The following AKR7A3 variants were observed in gnomAD, a reference collection of about 807,000 sequenced individuals.
AKR7A3 encodes the protein AFB1 aldehyde reductase 2.
In AKR7A3, 37 loss-of-function variants were observed where a neutral mutation model predicts 32.5. The observed-to-expected ratio is 1.14, with a 90% CI of 0.88 to 1.50. The LOEUF is 1.50. Among genes scored for constraint, AKR7A3 ranks in the 40% most tolerant of loss-of-function variants. The pLI is 0.00. For missense variants in AKR7A3, 412 were observed against 453.2 expected, an observed-to-expected ratio of 0.91 and a Z score of 0.83; for synonymous variants, 177 against 188.4, an observed-to-expected ratio of 0.94 and a Z score of 0.50.
chr1:19,288,636 G>A lies in AKR7A3; in HGVS notation c.74C>T (p.Ala25Val). 6.4e-7 allele frequency: 1 copy of A among 1,551,884 alleles called. No individual in the cohort carries two copies. The highest frequency in any genetic ancestry group is 8.7e-7 in the Non-Finnish European group (1 of 1,150,088). The stretch of plus-strand genomic sequence containing the variant: ...GCGCGTGACTGCGGCGCTGGTGGGC[G>A]CGTCCATGCGGCGCCCCATCTCCAT... ...GAMEMGRRMDAPTSAAVTRAF... is the reference protein window; with the variant it reads ...GAMEMGRRMDVPTSAAVTRAF... The change falls in exon 1 of 7, where the codon GCG (alanine) becomes GTG (valine). Residue 25 changes from alanine (A) to valine (V), a missense_variant. Transcript: ENST00000361640.
At chr1:19,278,125 G>A (rs2093713763), downstream of AKR7A3, among the ~76,000 whole-genome samples, 2 of 151,768 alleles carry the variant, frequency 1.3e-5, no homozygotes, top group Admixed American at 6.6e-5. Context: ...TGATTCATTT[G>A]AGTTAGTTTT....
At chr1:19,288,424 G>C in intron 1 of AKR7A3, 72 bp downstream of exon 1, 1 of 1,525,976 alleles carries the variant, frequency 6.6e-7, no homozygotes, top group Non-Finnish European at 8.8e-7. Context: ...GCCAGGGAGA[G>C]CGGGGCGGTA....
At chr1:19,275,943 A>G in the AKR7A3 span, among the ~76,000 whole-genome samples, 2 of 152,050 alleles carry the variant, frequency 1.3e-5, no homozygotes, top group Non-Finnish European at 2.9e-5. Context: ...ATACATGAAA[A>G]ACAATAATAG....
the AKR7A3 span, among the ~76,000 whole-genome samples, chr1:19,276,478 T>A: frequency 6.6e-6 from 1 of 150,980 alleles, no homozygotes; most frequent in African/African-American, 2.5e-5. Flanking sequence ...CAAGATATAC[T>A]ATATTTTGAG....
downstream of AKR7A3, among the ~76,000 whole-genome samples, chr1:19,280,486 T>C (rs2093717032): frequency 6.6e-6 from 1 of 151,934 alleles, no homozygotes; most frequent in Admixed American, 6.5e-5. Flanking sequence ...TATTTTCTTA[T>C]GTATGGTATG....
chr1:19,286,218 C>G lies in AKR7A3; in HGVS notation c.369G>C (p.Glu123Asp). The G allele has an allele frequency of 6.2e-7, 1 of 1,609,866 alleles. No individual in the cohort carries two copies. The highest frequency in any genetic ancestry group is 1.1e-5 in the South Asian group (1 of 90,906). ...HMPDHSTPVE[E>D]TLRACHQLHQ... ...GCAGCTGGTGGCAGGCACGCAGTGT[C>G]TCTTCCACCGGGGTGCTGTGGTCTG... Residue 123 changes from glutamate to aspartate, a missense_variant, in exon 2 of 7, where the codon GAG becomes GAC. Transcript: ENST00000361640.
chr1:19,285,062 A>T lies in AKR7A3; in HGVS notation c.560T>A (p.Leu187His). Residue 187 changes from leucine to histidine, a missense_variant, in exon 4 of 7, where the codon CTC becomes CAC. Physicochemically the swap from Leu to His is moderately conservative, Grantham distance 99. Transcript: ENST00000361640. ...ATAGAACCTCAGTCCAAAGTGCCTG[A>T]GGCAGGGGAAGAGCTCCGTTTCCAC... ...RQVETELFPC[L>H]RHFGLRFYAF... The T allele has an allele frequency of 6.2e-7, 1 of 1,613,386 alleles. No individual in the cohort carries two copies. Among genetic ancestry groups the T allele is most frequent in the Non-Finnish European group, 8.5e-7 (1 of 1,179,852 alleles).
At chr1:19,282,250 C>T (rs114789622), downstream of AKR7A3, among the ~76,000 whole-genome samples, 1,172 of 151,926 alleles carry the variant, frequency 7.7e-3, 4 homozygotes, top group South Asian at 0.011. Context: ...GCAAATCCCA[C>T]ATGAATGGCT....
chr1:19,281,603 C>A (rs567649580), downstream of AKR7A3, among the ~76,000 whole-genome samples: 1 of 151,908 alleles, frequency 6.6e-6, no homozygotes, highest in East Asian at 1.9e-4. Context: ...CCACTGCACT[C>A]TAGCCTGGGA....
chr1:19,275,137 G>A, the AKR7A3 span, among the ~76,000 whole-genome samples: 3 of 151,846 alleles, frequency 2.0e-5, no homozygotes, highest in East Asian at 1.9e-4. Context: ...TGCGCCAGGC[G>A]GAGTGGTTCA....
the AKR7A3 span, among the ~76,000 whole-genome samples, chr1:19,275,229 T>C: frequency 1.3e-5 from 2 of 150,990 alleles, no homozygotes; most frequent in Non-Finnish European, 2.9e-5. Context: ...CTGACTAACA[T>C]GGAGAAACCC....
Position 19,286,198 on chromosome 1 carries a change from T to C in AKR7A3, c.389A>G (p.Gln130Arg). ...GGGTCCCCTCACCTCCTGGTGCAGC[T>C]GGTGGCAGGCACGCAGTGTCTCTTC... The part of the protein sequence containing the change: ...PVEETLRACH[Q>R]LHQEGKFVEL... Residue 130 changes from glutamine (Q) to arginine (R), a missense_variant, in exon 2 of 7, where the codon CAG (glutamine) becomes CGG (arginine). Physicochemically the swap from Gln to Arg is conservative, Grantham distance 43. Transcript: ENST00000361640. The C allele has an allele frequency of 3.1e-6, 5 of 1,612,838 alleles. No homozygotes were observed. The highest frequency in any genetic ancestry group is 4.2e-6 in the Non-Finnish European group (5 of 1,180,000).
intron 3 of AKR7A3, 67 bp downstream of exon 3, chr1:19,285,820 AG>A (rs2093728580): frequency 1.9e-6 from 3 of 1,587,916 alleles, no homozygotes; most frequent in Non-Finnish European, 1.7e-6. Flanking sequence ...GGGCAGTCAG[AG>A]GGGCAAAGAC....
At chr1:19,284,650 C>A (rs1558131290) in intron 5 of AKR7A3, 36 bp downstream of exon 5, 1 of 1,607,068 alleles carries the variant, frequency 6.2e-7, no homozygotes, top group Non-Finnish European at 8.5e-7. Context: ...AAGCTGACCC[C>A]ACCCCAGCCA....
chr1:19,284,582 G>A lies in AKR7A3; in HGVS notation c.704+104C>T. Reference sequence around the variant, plus strand: ...ATTCCCGAAGAAATTCAGGGGAGTAGGTGCAGCAGCGAGGAAAGGCCTTAC... The same window carrying A: ...ATTCCCGAAGAAATTCAGGGGAGTAAGTGCAGCAGCGAGGAAAGGCCTTAC... On this transcript the variant is annotated intron_variant, in intron 5 of 6. Coordinates refer to ENST00000361640, the MANE Select transcript of AKR7A3 (RefSeq NM_012067.3). The A allele has an allele frequency of 2.5e-6, 3 of 1,210,570 alleles. No individual in the cohort carries two copies. In the East Asian group the frequency reaches 7.0e-5, roughly 28 times the overall value. The allele number at this position is 1,210,570 out of a possible 1,614,324, so 75.0% of individuals were successfully genotyped here.
In AKR7A3 at chr1:19,286,359, G is replaced by T. The variant is rs2093729947; in HGVS notation, c.228C>A (p.Thr76=). The T allele has an allele frequency of 2.5e-6, 4 of 1,613,634 alleles. No homozygotes were observed. The change falls in exon 2 of 7, where the codon ACC becomes ACA. Residue 76 remains threonine (T), a synonymous_variant. Coordinates refer to ENST00000361640, the MANE Select transcript of AKR7A3 (RefSeq NM_012067.3). ...GGSDCRVKID[T]KAIPLFGNSL... Reference sequence around the variant, plus strand: ...AGTTCCCAAACAGTGGAATGGCCTTGGTATCAATTTTCACTGAGAGGAAAG... The same window carrying T: ...AGTTCCCAAACAGTGGAATGGCCTTTGTATCAATTTTCACTGAGAGGAAAG...
At chr1:19,286,474 G>A (rs1036659535) in intron 1 of AKR7A3, 102 bp from the exon 2 acceptor site, 3 of 1,205,050 alleles carry the variant, frequency 2.5e-6, no homozygotes, top group Non-Finnish European at 2.4e-6. Flanking sequence ...AAGGTCAGGA[G>A]TTCAAGACCA....
Position 19,284,681 on chromosome 1 carries a change from C to G in AKR7A3, c.704+5G>C. 1 of 1,613,844 alleles carries G rather than the reference C, an allele frequency of 6.2e-7. No individual in the cohort carries two copies. Among genetic ancestry groups the G allele is most frequent in the Non-Finnish European group, 8.5e-7 (1 of 1,179,954 alleles). On this transcript the variant is annotated splice_donor_5th_base_variant and intron_variant, in intron 5 of 6. Coordinates refer to ENST00000361640, the MANE Select transcript of AKR7A3 (RefSeq NM_012067.3). ...AGCCATCCACACCAAGCACCCACAG[C>G]TTACCGATTCCTGTACATCTCTGCC...
intron 5 of AKR7A3, 30 bp from the exon 6 acceptor site, chr1:19,284,155 C>A (rs2093724513): frequency 6.3e-7 from 1 of 1,592,458 alleles, no homozygotes; most frequent in African/African-American, 1.3e-5. Context: ...GCACAGGTGT[C>A]AGGGCCACAT....
Sources: gnomAD v4.1 joint callset for allele counts (sites outside exome capture counted in the v4.1 genomes callset) on GRCh38, gnomAD v4.1.1 for gene constraint, MANE v1.5 for transcripts, NCBI Gene and HGNC (gene_info 2026-07-23, HGNC 2026-07-21) for gene names.